Variants in FNIP2 observed in about 807,000 individuals in gnomAD.
The protein encoded by FNIP2 is folliculin interacting protein 2.
In FNIP2, 32 loss-of-function variants were observed where a neutral mutation model predicts 108.7. The ratio of observed to expected loss-of-function variants is 0.29; its 90% CI spans 0.22 to 0.40. The LOEUF (loss-of-function observed/expected upper bound fraction) is 0.40, where lower values mean the gene tolerates loss of function less well. FNIP2 is among the 10% of genes least tolerant of loss of function. The pLI, the probability that FNIP2 is intolerant of heterozygous loss-of-function variation, is 1.00. For missense variants in FNIP2, 1,202 were observed against 1,381.6 expected (o/e 0.87, Z 2.06); for synonymous variants, 480 against 496.7 (o/e 0.97, Z 0.45).
In FNIP2 at chr4:158,905,410, G is replaced by GGTAA. The variant is rs1016005005; in HGVS notation, c.*869_*872dup. 3 of 152,092 alleles carry GGTAA rather than the reference G, an allele frequency of 2.0e-5. No individual in the cohort carries two copies. Among genetic ancestry groups the GGTAA allele is most frequent in the Admixed American group, 1.3e-4 (2 of 15,264 alleles). The allele number at this position is 152,092 out of a possible 1,614,324, so 9.4% of individuals were successfully genotyped here. On this transcript the variant is annotated 3_prime_UTR_variant, in exon 17 of 17. Transcript: ENST00000264433. ...CTATAAGCTCAAGAGTGTTTCGGTT[G>GGTAA]GTAAGTTCTTCCAGCTGAAGCCACT...
chr4:158,806,211 T>G (rs1012036554), intron 1 of FNIP2: 50 of 1,278,930 alleles, frequency 3.9e-5, no homozygotes, highest in Non-Finnish European at 4.5e-5. Flanking sequence ...ATGTTTATGG[T>G]CAGGATAAAC....
chr4:158,851,042 A>G (rs1560800691), intron 7 of FNIP2, among the ~76,000 whole-genome samples: 1 of 152,132 alleles, frequency 6.6e-6, no homozygotes, highest in Non-Finnish European at 1.5e-5. Flanking sequence ...AGAACCTGAA[A>G]TTTTAGATTA....
intron 14 of FNIP2, among the ~76,000 whole-genome samples, chr4:158,891,080 C>A (rs1018254246): frequency 1.3e-5 from 2 of 152,094 alleles, no homozygotes; most frequent in Non-Finnish European, 2.9e-5. Flanking sequence ...GGAGTAAGGA[C>A]GGAAGCAGCC....
At chr4:158,856,225 A>G (rs760616419) in intron 8 of FNIP2, among the ~76,000 whole-genome samples, 1 of 152,204 alleles carries the variant, frequency 6.6e-6, no homozygotes, top group African/African-American at 2.4e-5. Flanking sequence ...GACCAACTTT[A>G]TAAAGTTGCT....
At chr4:158,815,422 G>A (rs1489379683) in intron 1 of FNIP2, among the ~76,000 whole-genome samples, 4 of 136,788 alleles carry the variant, frequency 2.9e-5, no homozygotes, top group Admixed American at 8.0e-5. Context: ...TTGCTCTCTC[G>A]CCCAGGCTGG....
intron 1 of FNIP2, among the ~76,000 whole-genome samples, chr4:158,800,131 G>T (rs549203327): frequency 1.3e-5 from 2 of 152,218 alleles, no homozygotes; most frequent in Admixed American, 6.5e-5. Flanking sequence ...GGATTTCCTG[G>T]AGCCTTAACT....
At chr4:158,805,668 A>G (rs1004843401) in intron 1 of FNIP2, among the ~76,000 whole-genome samples, 4 of 152,222 alleles carry the variant, frequency 2.6e-5, no homozygotes, top group Admixed American at 6.5e-5. Flanking sequence ...GCAAGATTGC[A>G]GAGTAAGACC....
chr4:158,871,503 G>A (rs1780947777), intron 14 of FNIP2: 1 of 985,166 alleles, frequency 1.0e-6, no homozygotes, highest in African/African-American at 1.7e-5. Context: ...GGCTAAACAG[G>A]CTAAGTATAT....
chr4:158,883,453 G>C (rs1781828526), intron 14 of FNIP2, among the ~76,000 whole-genome samples: 1 of 152,132 alleles, frequency 6.6e-6, no homozygotes, highest in African/African-American at 2.4e-5. Context: ...GTGTTAGCCA[G>C]GATGGTCTCG....
chr4:158,833,713 GTTTT>G, intron 6 of FNIP2, 85 bp downstream of exon 6: 2 of 1,172,734 alleles, frequency 1.7e-6, no homozygotes, highest in Non-Finnish European at 2.4e-6. Context: ...TTTGTCGTGG[GTTTT>G]TTTTTTTGCG....
At chr4:158,889,359 C>T (rs1468759282) in intron 14 of FNIP2, among the ~76,000 whole-genome samples, 1 of 152,162 alleles carries the variant, frequency 6.6e-6, no homozygotes, top group Non-Finnish European at 1.5e-5. Context: ...CTTGCAGAAT[C>T]TTCCATCCAT....
rs115240308 is a variant in FNIP2 at position 158,772,265 on chromosome 4, C to G, written c.107+2946C>G. Among the ~76,000 whole-genome samples the G allele has an allele frequency of 3.1e-3, 470 of 152,266 alleles. 1 individual carries two copies. The highest frequency in any genetic ancestry group is 0.01 in the African/African-American group (428 of 41,560). ...AAAAAAAATGATGTGTACAGTGACT[C>G]AAGTCAGAAATAGAATTATGTTCTT... On this transcript the variant is annotated intron_variant, in intron 1 of 16. Coordinates refer to ENST00000264433, the MANE Select transcript of FNIP2 (RefSeq NM_020840.3).
chr4:158,893,626 T>G (rs1782429259), intron 15 of FNIP2: 4 of 1,307,496 alleles, frequency 3.1e-6, no homozygotes, highest in Non-Finnish European at 4.3e-6. Context: ...TGTGGATTAT[T>G]ATGATCTTAT....
At chr4:158,885,980 G>A (rs542079200) in intron 14 of FNIP2, among the ~76,000 whole-genome samples, 1 of 152,166 alleles carries the variant, frequency 6.6e-6, no homozygotes, top group Non-Finnish European at 1.5e-5. Flanking sequence ...CATATTTTGT[G>A]TGTGCGGCAA....
Position 158,859,197 on chromosome 4 carries a change from T to G in FNIP2, c.998T>G (p.Phe333Cys), listed in dbSNP as rs760219138. ...EEAQRNFQDF[F>C]FSHFPLFESH... ...GCACAAAGGAATTTCCAGGACTTCT[T>G]CTTTTCTCATTTTCCCCTGTTTGAA... The change falls in exon 9 of 17, where the codon TTC becomes TGC. Residue 333 changes from phenylalanine (F) to cysteine (C), a missense_variant. Phe to Cys is a radical substitution (Grantham distance 205). Coordinates refer to ENST00000264433, the MANE Select transcript of FNIP2 (RefSeq NM_020840.3). 6.2e-7 allele frequency: 1 copy of G among 1,613,202 alleles called. No individual in the cohort carries two copies. The highest frequency in any genetic ancestry group is 8.5e-7 in the Non-Finnish European group (1 of 1,179,510).
rs1291475277 is a variant in FNIP2 at position 158,890,369 on chromosome 4, G to C, written c.2950-1077G>C. ...TACTATTCCCCCTTGGATAATAGTA[G>C]GAAAAAATGTTGGTCCGCACGAAGT... On this transcript the variant is annotated intron_variant, in intron 14 of 16. Transcript: ENST00000264433. 1.6e-5 allele frequency: 16 copies of C among 984,886 alleles called. No individual in the cohort carries two copies. In the South Asian group the frequency reaches 7.1e-4, roughly 43 times the overall value. 61.0% of individuals were successfully genotyped at this position (984,886 alleles called of 1,614,324 possible).
intron 6 of FNIP2, 69 bp from the exon 7 acceptor site, chr4:158,835,336 C>T: frequency 7.4e-7 from 1 of 1,345,136 alleles, no homozygotes; most frequent in Admixed American, 1.7e-5. Context: ...TTAAAAATTA[C>T]TGCAGTCATT....
chr4:158,826,211 C>T (rs543260122), intron 2 of FNIP2, among the ~76,000 whole-genome samples, 169 bp downstream of exon 2: 1 of 152,300 alleles, frequency 6.6e-6, no homozygotes, highest in African/African-American at 2.4e-5. Context: ...GCCCTACCCC[C>T]AACAGGCATG....
chr4:158,900,426 G>C (rs1729110260), intron 16 of FNIP2, among the ~76,000 whole-genome samples: 1 of 152,072 alleles, frequency 6.6e-6, no homozygotes, highest in Non-Finnish European at 1.5e-5. Flanking sequence ...ATCTAATATT[G>C]ACAGTGGGGT....
Sources: allele counts gnomAD v4.1 joint callset (sites outside exome capture counted in the v4.1 genomes callset), GRCh38; gene constraint gnomAD v4.1.1; transcripts MANE v1.5; gene names NCBI Gene and HGNC (gene_info 2026-07-23, HGNC 2026-07-21).